Variants in CSMD1 observed in about 807,000 individuals in gnomAD.
The protein encoded by CSMD1 is CUB and Sushi multiple domains 1, also known as CUB and sushi domain-containing protein 1.
A neutral mutation model predicts 417.5 loss-of-function variants in CSMD1; 213 were observed. That is an observed-to-expected ratio of 0.51 (90% CI 0.46 to 0.57). CSMD1 has a LOEUF of 0.57. Among genes scored for constraint, CSMD1 ranks in the 20% least tolerant of loss-of-function variants. The pLI is 0.00. For synonymous variants in CSMD1, 2,862 were observed against 1,736.8 expected, an observed-to-expected ratio of 1.65 and a Z score of -16.11; for missense variants, 6,923 against 4,529.7, an observed-to-expected ratio of 1.53 and a Z score of -15.17.
intron 3 of CSMD1, among the ~76,000 whole-genome samples, chr8:4,161,454 G>A (rs752397271): frequency 5.9e-5 from 9 of 152,174 alleles, no homozygotes; most frequent in Non-Finnish European, 1.0e-4. Context: ...ACTGGAATAA[G>A]TTGAATGGCT....
intron 3 of CSMD1, among the ~76,000 whole-genome samples, chr8:4,119,776 G>C (rs776038214): frequency 7.9e-5 from 12 of 152,288 alleles, no homozygotes; most frequent in Non-Finnish European, 7.3e-5. Context: ...TGCTACAGCA[G>C]CCTGAGCTGA....
chr8:3,630,081 T>G (rs1053250586), intron 7 of CSMD1, among the ~76,000 whole-genome samples: 2 of 152,162 alleles, frequency 1.3e-5, no homozygotes, highest in Non-Finnish European at 2.9e-5. Context: ...CCCATGGAAA[T>G]AACACTTTAA....
intron 33 of CSMD1, among the ~76,000 whole-genome samples, chr8:3,194,885 G>C (rs989876673): frequency 6.6e-6 from 1 of 152,090 alleles, no homozygotes; most frequent in African/African-American, 2.4e-5. Flanking sequence ...CAGGTGAGGA[G>C]CCTGGGAGAG....
chr8:3,527,848 G>T (rs1302688902), intron 10 of CSMD1, among the ~76,000 whole-genome samples: 1 of 152,206 alleles, frequency 6.6e-6, no homozygotes, highest in East Asian at 1.9e-4. Flanking sequence ...TCTCTTAACA[G>T]AGAGATACAT....
rs116011794 is a variant in CSMD1, at chr8:4,675,019, C to T, written c.86-37461G>A. ...CAAGAAGAGAGCCTTCCCCAGGGAA[C>T]TAAACTGGCTGCACCTTAGTGTTGG... On this transcript the variant is annotated intron_variant, in intron 1 of 69. Coordinates refer to ENST00000635120, the MANE Select transcript of CSMD1 (RefSeq NM_033225.6). Among the ~76,000 whole-genome samples, 1,334 of 152,300 alleles carry T rather than the reference C, an allele frequency of 8.8e-3. 22 individuals are homozygous for T. Among genetic ancestry groups the T allele is most frequent in the African/African-American group, 0.03 (1,262 of 41,566 alleles).
chr8:4,052,138 T>A (rs1563059230), intron 3 of CSMD1, among the ~76,000 whole-genome samples: 1 of 152,000 alleles, frequency 6.6e-6, no homozygotes, highest in Non-Finnish European at 1.5e-5. Context: ...TTGGTCAGGG[T>A]GGTCTCGAAC....
intron 2 of CSMD1, among the ~76,000 whole-genome samples, chr8:4,604,286 C>T (rs1800749042): frequency 6.6e-6 from 1 of 151,446 alleles, no homozygotes; most frequent in South Asian, 2.1e-4. Flanking sequence ...AGATATAAGA[C>T]ATTGGTGTCT....
chr8:3,787,293 A>G (rs1799502566), intron 5 of CSMD1, among the ~76,000 whole-genome samples: 1 of 152,180 alleles, frequency 6.6e-6, no homozygotes, highest in Admixed American at 6.5e-5. Flanking sequence ...AATTTTAGAA[A>G]ATTGATTTCA....
chr8:4,814,212 G>C (rs958519937), intron 1 of CSMD1, among the ~76,000 whole-genome samples: 1 of 151,128 alleles, frequency 6.6e-6, no homozygotes, highest in Non-Finnish European at 1.5e-5. Flanking sequence ...GTGTGTGTGT[G>C]TGTGTGCGTG....
intron 2 of CSMD1, among the ~76,000 whole-genome samples, chr8:4,575,290 T>C (rs1378026606): frequency 2.0e-5 from 3 of 152,236 alleles, no homozygotes; most frequent in Admixed American, 2.0e-4. Flanking sequence ...ATATGATTGG[T>C]GTCCCTGTCC....
chr8:4,811,700 G>T (rs1335318227), intron 1 of CSMD1, among the ~76,000 whole-genome samples: 1 of 151,464 alleles, frequency 6.6e-6, no homozygotes, highest in African/African-American at 2.4e-5. Context: ...ACAGAAATAA[G>T]AAAAAAAATG....
rs1800347618 is a variant in CSMD1 at position 3,693,152 on chromosome 8, G to A, written c.1009+15262C>T. ...TAGATAGTCACCCACACTGTGTCAA[G>A]TAATTTGCTATAGTGAGTAAAATTG... On this transcript the variant is annotated intron_variant, in intron 7 of 69. Transcript: ENST00000635120. Among the ~76,000 whole-genome samples, 5 of 152,148 alleles carry A rather than the reference G, an allele frequency of 3.3e-5. No individual in the cohort carries two copies. The South Asian group carries it at 1.0e-3, about 31-fold the overall frequency.
chr8:3,897,364 T>A (rs1249377512), intron 5 of CSMD1, among the ~76,000 whole-genome samples: 1 of 152,174 alleles, frequency 6.6e-6, no homozygotes, highest in Admixed American at 6.5e-5. Context: ...TAACAGTGAT[T>A]CCTACATTTG....
chr8:4,079,071 A>G (rs1585267259), intron 3 of CSMD1, among the ~76,000 whole-genome samples: 1 of 151,938 alleles, frequency 6.6e-6, no homozygotes, highest in East Asian at 1.9e-4. Context: ...AATGGAACTT[A>G]TACAGCTCAT....
intron 2 of CSMD1, among the ~76,000 whole-genome samples, chr8:4,532,875 G>C (rs1388118400): frequency 6.7e-6 from 1 of 149,862 alleles, no homozygotes; most frequent in Non-Finnish European, 1.5e-5. Context: ...AGTCACTCCG[G>C]AAGAGAAATC....
At chr8:4,022,017 C>G (rs557994203) in intron 4 of CSMD1, among the ~76,000 whole-genome samples, 2 of 151,690 alleles carry the variant, frequency 1.3e-5, no homozygotes, top group Non-Finnish European at 1.5e-5. Context: ...GAGTCCAACA[C>G]TGGAAAGTCC....
At chr8:4,536,026 A>G (rs995040429) in intron 2 of CSMD1, among the ~76,000 whole-genome samples, 2 of 152,316 alleles carry the variant, frequency 1.3e-5, no homozygotes, top group South Asian at 4.1e-4. Flanking sequence ...CATTATTAAC[A>G]TTATTTTTGA....
intron 1 of CSMD1, among the ~76,000 whole-genome samples, chr8:4,688,321 G>T (rs1806520998): frequency 6.6e-6 from 1 of 152,160 alleles, no homozygotes; most frequent in South Asian, 2.1e-4. Flanking sequence ...GGCTTGGGAT[G>T]CAGGTCAAGT....
intron 3 of CSMD1, among the ~76,000 whole-genome samples, chr8:4,377,835 C>T (rs1180475368): frequency 6.6e-6 from 1 of 152,034 alleles, no homozygotes; most frequent in Non-Finnish European, 1.5e-5. Context: ...AATATTTTTG[C>T]CCCAATTAGT....
Sources: gnomAD v4.1 joint callset for allele counts (sites outside exome capture counted in the v4.1 genomes callset) on GRCh38, gnomAD v4.1.1 for gene constraint, MANE v1.5 for transcripts, NCBI Gene and HGNC (gene_info 2026-07-23, HGNC 2026-07-21) for gene names.